The following ALG13 variants were observed in gnomAD, a reference collection of about 807,000 sequenced individuals.
ALG13 encodes ALG13 UDP-N-acetylglucosaminyltransferase subunit.
Under a neutral mutation model 87.8 loss-of-function variants are expected in ALG13, and 11 were observed. That is an observed-to-expected ratio of 0.13 (90% CI 0.08 to 0.21). The LOEUF (loss-of-function observed/expected upper bound fraction) is 0.21. Among genes scored for constraint, ALG13 ranks in the 10% least tolerant of loss-of-function variants. The pLI is 1.00. For synonymous variants in ALG13, 320 were observed against 306.3 expected (o/e 1.04, Z -0.47); for missense variants, 756 against 866.1 (o/e 0.87, Z 1.60).
At chrX:111,747,765 G>A (rs1210079830) in intron 24 of ALG13, among the ~76,000 whole-genome samples, 5 of 112,357 alleles carry the variant, frequency 4.5e-5, no homozygotes. Context: ...GACTACAGGT[G>A]TCAGCCACCA....
intron 24 of ALG13, among the ~76,000 whole-genome samples, chrX:111,751,607 G>A (rs1008841046): frequency 8.9e-6 from 1 of 111,741 alleles, no homozygotes; most frequent in Non-Finnish European, 1.9e-5. Flanking sequence ...CATGTATCAA[G>A]TAGAATCCCA....
chrX:111,728,432 TA>T, intron 19 of ALG13, 127 bp downstream of exon 19: 1 of 765,328 alleles, frequency 1.3e-6, no homozygotes, highest in Non-Finnish European at 1.9e-6. Context: ...GAAAGATTTA[TA>T]TAAGTTCTTA....
Position 111,744,648 on chromosome X carries a change from A to G in ALG13, c.2696-20A>G, listed in dbSNP as rs1218440405. The G allele has an allele frequency of 8.5e-7, 1 of 1,172,821 alleles. No homozygotes were observed. The highest frequency in any genetic ancestry group is 1.1e-6 in the Non-Finnish European group (1 of 878,201). ...TGTTATAGTTGTGTATTGCTACTTT[A>G]TGTTTTGTTTCTTTGTTAGTGATTG... is the stretch of plus-strand genomic sequence containing the variant. On this transcript the variant is annotated intron_variant, in intron 23 of 26. Coordinates refer to ENST00000394780, the MANE Select transcript of ALG13 (RefSeq NM_001099922.3).
chrX:111,690,388 G>A, intron 3 of ALG13: 1 of 753,290 alleles, frequency 1.3e-6, no homozygotes, highest in Non-Finnish European at 1.6e-6. Flanking sequence ...ACATTTACGG[G>A]TTGGAGTAGA....
At chrX:111,704,210 A>T (rs1938363340) in intron 3 of ALG13, among the ~76,000 whole-genome samples, 1 of 111,645 alleles carries the variant, frequency 9.0e-6, no homozygotes, top group South Asian at 3.7e-4. Flanking sequence ...GAAAATAACA[A>T]GTGTTGATAA....
chrX:111,736,853 T>C lies in ALG13; in HGVS notation c.2669T>C (p.Val890Ala), dbSNP rs865802255. The C allele has an allele frequency of 8.3e-7, 1 of 1,208,668 alleles. No individual in the cohort carries two copies. The highest frequency in any genetic ancestry group is 1.7e-5 in the African/African-American group (1 of 57,678). ...CAGAATGCTATACAGCCTCTCTTTG[T>C]ATCTCCACCTACACACGGCAGGCCA... is the stretch of plus-strand genomic sequence containing the variant. ...SSQNAIQPLF[V>A]SPPTHGRPVI... Residue 890 changes from valine (V) to alanine (A), a missense_variant, in exon 23 of 27, where the codon GTA (valine) becomes GCA (alanine). This residue lies in a region of ALG13 where 362 missense variants were observed against 383.5 expected (regional missense o/e 0.94). Coordinates refer to ENST00000394780, the MANE Select transcript of ALG13 (RefSeq NM_001099922.3).
chrX:111,741,672 G>T (rs1223950663), intron 23 of ALG13, among the ~76,000 whole-genome samples: 1 of 110,517 alleles, frequency 9.0e-6, no homozygotes. Context: ...AATTAGCCAG[G>T]CATGGTGGCA....
At chrX:111,751,849 G>A (rs17307593) in intron 24 of ALG13, among the ~76,000 whole-genome samples, 8,960 of 111,256 alleles carry the variant, frequency 0.081, 389 homozygotes, top group Middle Eastern at 0.15. Flanking sequence ...AATATGTGTG[G>A]ATCTCAGGTC....
At chrX:111,717,555 T>C (rs927772190) in intron 8 of ALG13, among the ~76,000 whole-genome samples, 2 of 108,230 alleles carry the variant, frequency 1.8e-5, no homozygotes, top group Admixed American at 2.0e-4. Context: ...TTTTTTTTTT[T>C]TTTTTAGCAA....
At chrX:111,755,710 CAAT>C (rs1486048452) in intron 25 of ALG13, among the ~76,000 whole-genome samples, 1 of 112,484 alleles carries the variant, frequency 8.9e-6, no homozygotes, top group African/African-American at 3.2e-5. Context: ...ATCAAAAGCA[CAAT>C]GAGATACCAT....
intron 3 of ALG13, chrX:111,688,973 C>A: frequency 1.3e-6 from 1 of 743,516 alleles, no homozygotes; most frequent in Non-Finnish European, 1.6e-6. Flanking sequence ...CTATAAAGAC[C>A]TCTCTTCCAT....
At chrX:111,754,792 C>CGTTT (rs1569523631) in intron 25 of ALG13, among the ~76,000 whole-genome samples, 1 of 112,029 alleles carries the variant, frequency 8.9e-6, no homozygotes, top group African/African-American at 3.2e-5. Context: ...AAGGGAAAAA[C>CGTTT]GTTCCATGCT....
intron 3 of ALG13, among the ~76,000 whole-genome samples, chrX:111,706,378 A>G (rs991507488): frequency 8.9e-6 from 1 of 112,742 alleles, no homozygotes; most frequent in Non-Finnish European, 1.9e-5. Context: ...GACCTTAACG[A>G]AAGATGGCAA....
intron 23 of ALG13, among the ~76,000 whole-genome samples, chrX:111,741,006 G>A (rs191163668): frequency 1.8e-5 from 2 of 112,066 alleles, no homozygotes; most frequent in Admixed American, 1.9e-4. Context: ...TTATTAAATG[G>A]ATGGACATTA....
rs1344157218 is a variant in ALG13 at position 111,699,730 on chromosome X, C to CT, written c.384-8290dup. Among the ~76,000 whole-genome samples the CT allele has an allele frequency of 3.6e-5, 4 of 111,013 alleles. No homozygotes were observed. The East Asian group carries it at 1.1e-3, about 31-fold the overall frequency. On this transcript the variant is annotated intron_variant, in intron 3 of 26. Coordinates refer to ENST00000394780, the MANE Select transcript of ALG13 (RefSeq NM_001099922.3). ...TCTTTCTGGGCTTTCTATCCTGTTCCTTTTTTTGATGTGTCTGTTTTTATA... is the reference window on the plus strand; with the variant it reads ...TCTTTCTGGGCTTTCTATCCTGTTCCTTTTTTTTGATGTGTCTGTTTTTATA...
At chrX:111,717,541 C>CTTT (rs773345817) in intron 8 of ALG13, among the ~76,000 whole-genome samples, 2 of 81,248 alleles carry the variant, frequency 2.5e-5, no homozygotes, top group East Asian at 3.8e-4. Flanking sequence ...CTAAGTGTTC[C>CTTT]TTTTTTTTTT....
chrX:111,715,335 G>T (rs112522507), intron 8 of ALG13, among the ~76,000 whole-genome samples: 198 of 111,970 alleles, frequency 1.8e-3, no homozygotes, highest in Middle Eastern at 9.3e-3. Context: ...TGAAAAGCCA[G>T]GTGCTTTTAT....
At chrX:111,701,792 AG>A (rs1244302478) in intron 3 of ALG13, among the ~76,000 whole-genome samples, 1 of 111,404 alleles carries the variant, frequency 9.0e-6, no homozygotes, top group East Asian at 2.8e-4. Flanking sequence ...TTTTTAGTGT[AG>A]GCATTTACCA....
intron 1 of ALG13, chrX:111,681,663 TC>T: frequency 1.1e-6 from 1 of 894,507 alleles, no homozygotes; most frequent in Non-Finnish European, 1.4e-6. Context: ...CGGCAGTTTT[TC>T]CTCAGGCCCC....
Sources: allele counts gnomAD v4.1 joint callset (sites outside exome capture counted in the v4.1 genomes callset), GRCh38; gene constraint gnomAD v4.1.1; regional missense constraint gnomAD v4.1.1; transcripts MANE v1.5; gene names NCBI Gene and HGNC (gene_info 2026-07-23, HGNC 2026-07-21).